SLC5A5: variants seen among roughly 807,000 people sequenced by gnomAD.
SLC5A5 encodes the protein solute carrier family 5 member 5.
Under a neutral mutation model 68.6 loss-of-function variants are expected in SLC5A5, and 56 were observed. The ratio of observed to expected loss-of-function variants is 0.82; its 90% CI spans 0.66 to 1.02. The LOEUF (loss-of-function observed/expected upper bound fraction) is 1.02, where lower values mean the gene tolerates loss of function less well. SLC5A5 is among the 50% of genes least tolerant of loss of function. The pLI is 0.00. For synonymous variants in SLC5A5, 398 were observed against 373.0 expected (o/e 1.07, Z -0.77); for missense variants, 807 against 859.8 (o/e 0.94, Z 0.77).
intron 14 of SLC5A5, among the ~76,000 whole-genome samples, chr19:17,892,679 AG>A (rs2030225342): frequency 6.6e-6 from 1 of 151,366 alleles, no homozygotes; most frequent in African/African-American, 2.4e-5. Context: ...AGAGAGAGAG[AG>A]AGAGAGAGAG....
In SLC5A5 at chr19:17,891,127, ACT is replaced by A. The variant is rs10551662; in HGVS notation, c.1767+129_1767+130del. The A allele has an allele frequency of 4.5e-3, 3,252 of 728,710 alleles. 59 individuals carry two copies. The African/African-American group carries it at 0.045, about 10-fold the overall frequency. 45.1% of individuals were successfully genotyped at this position (728,710 alleles called of 1,614,324 possible). A position where few individuals can be genotyped will look rare whatever the true frequency, so the allele number is the denominator to read the frequency against. ...ATCGCTCATTATCTCCAGTCAAAAGACTCTATTGGGAGCTGATTCATCCTCAA... is the reference window on the plus strand; with the variant it reads ...ATCGCTCATTATCTCCAGTCAAAAGACTATTGGGAGCTGATTCATCCTCAA... On this transcript the variant is annotated intron_variant, in intron 14 of 14. Coordinates refer to ENST00000222248, the MANE Select transcript of SLC5A5 (RefSeq NM_000453.3).
intron 13 of SLC5A5, among the ~76,000 whole-genome samples, chr19:17,889,970 GTCC>G (rs2030101410): frequency 6.6e-6 from 1 of 152,208 alleles, no homozygotes; most frequent in African/African-American, 2.4e-5. Context: ...CCTTTATCGA[GTCC>G]TCCTCTGTGC....
intron 10 of SLC5A5, 22 bp from the exon 11 acceptor site, chr19:17,883,659 C>T: frequency 6.2e-7 from 1 of 1,603,846 alleles, no homozygotes; most frequent in South Asian, 1.1e-5. Flanking sequence ...GCCCTCAGCC[C>T]CACTTCCACC....
In SLC5A5 at chr19:17,874,505, C is replaced by T. The variant is rs780690857; in HGVS notation, c.435C>T (p.Thr145=). 136 of 1,613,890 alleles carry T rather than the reference C, an allele frequency of 8.4e-5. No homozygotes were observed. Among genetic ancestry groups the T allele is most frequent in the Non-Finnish European group, 1.0e-4 (121 of 1,179,998 alleles). Residue 145 remains threonine, a synonymous_variant, in exon 3 of 15, where the codon ACC becomes ACT. Transcript: ENST00000222248. The part of the protein sequence containing the change: ...LQYIVATMLY[T]GIVIYAPALI... ...CACTCTGTCTACAGATGCTGTACAC[C>T]GGCATCGTAATCTACGCACCGGCCC...
At chr19:17,879,289 G>A (rs1017840096) in intron 7 of SLC5A5, among the ~76,000 whole-genome samples, 4 of 152,090 alleles carry the variant, frequency 2.6e-5, no homozygotes, top group South Asian at 2.1e-4. Context: ...GAGAAACTCC[G>A]TCTCAAACAA....
In SLC5A5 at chr19:17,872,026, G is replaced by A. The variant is rs967350063; in HGVS notation, c.-294G>A. The A allele has an allele frequency of 4.4e-6, 2 of 456,614 alleles. No homozygotes were observed. The highest frequency in any genetic ancestry group is 7.9e-6 in the Non-Finnish European group (2 of 254,054). 28.3% of individuals were successfully genotyped at this position (456,614 alleles called of 1,614,324 possible). On this transcript the variant is annotated 5_prime_UTR_variant, in exon 1 of 15. The change abolishes an upstream ATG in the 5' untranslated region. Transcript: ENST00000222248. ...GAGAGGGACAGACAGCCGGCTGCAT[G>A]GGACAGCGGAACCCAGAGTGAGAGG...
rs561963618 is a variant in SLC5A5, at chr19:17,890,795, G to A, written c.1652-91G>A. On this transcript the variant is annotated intron_variant, in intron 13 of 14. Transcript: ENST00000222248. ...AGCCTGTTAGACTTCATAGACCAGG[G>A]ATCTCCTTTCTCCTTCCCAGGACCT... is the stretch of plus-strand genomic sequence containing the variant. The A allele has an allele frequency of 5.7e-6, 5 of 881,388 alleles. No homozygotes were observed. In the African/African-American group the frequency reaches 6.5e-5, roughly 12 times the overall value. 54.6% of individuals were successfully genotyped at this position (881,388 alleles called of 1,614,324 possible).
chr19:17,883,767 G>A lies in SLC5A5; in HGVS notation c.1329G>A (p.Pro443=), dbSNP rs756320685. 4.3e-6 allele frequency: 7 copies of A among 1,612,440 alleles called. No homozygotes were observed. In the South Asian group the frequency reaches 5.5e-5, roughly 13 times the overall value. Residue 443 remains proline (P), a splice_region_variant and synonymous_variant, in exon 11 of 15, where the codon CCG becomes CCA. Coordinates refer to ENST00000222248, the MANE Select transcript of SLC5A5 (RefSeq NM_000453.3). ...LGMFLPACNT[P]GVLAGLGAGL... ...TGTTCCTGCCGGCCTGCAACACACC[G>A]GTGAGTGGGGGCGGGGCAAGGGGCG... is the stretch of plus-strand genomic sequence containing the variant.
Position 17,872,259 on chromosome 19 carries a change from G to C in SLC5A5, c.-61G>C. The C allele has an allele frequency of 1.5e-6, 1 of 653,070 alleles. No individual in the cohort carries two copies. The allele number at this position is 653,070 out of a possible 1,614,324, so 40.5% of individuals were successfully genotyped here. On this transcript the variant is annotated 5_prime_UTR_variant, in exon 1 of 15. Coordinates refer to ENST00000222248, the MANE Select transcript of SLC5A5 (RefSeq NM_000453.3). ...CGTCCTGCCTCCTCGGCCCCTGCCA[G>C]CTTCCCCCGCTTGAGCACGCAGGGC...
At chr19:17,892,244 G>C (rs1023027783) in intron 14 of SLC5A5, among the ~76,000 whole-genome samples, 1 of 151,924 alleles carries the variant, frequency 6.6e-6, no homozygotes, top group Non-Finnish European at 1.5e-5. Context: ...GTTGTAGTGA[G>C]CTGAGATCGC....
At chr19:17,893,529 C>G (rs978393386) in intron 14 of SLC5A5, among the ~76,000 whole-genome samples, 184 bp from the exon 15 acceptor site, 1 of 152,064 alleles carries the variant, frequency 6.6e-6, no homozygotes, top group African/African-American at 2.4e-5. Flanking sequence ...GGAAGAGAAG[C>G]GCATGGAAAT....
At position 17,875,973 on chromosome 19, in the gene SLC5A5, T is replaced by TA; in HGVS notation, c.565_566insA (p.Trp189Ter). The TA allele has an allele frequency of 6.2e-7, 1 of 1,614,178 alleles. No homozygotes were observed. Among genetic ancestry groups the TA allele is most frequent in the Non-Finnish European group, 8.5e-7 (1 of 1,180,028 alleles). The change falls in exon 5 of 15, where the codon TGG becomes TAGG. Residue 189 changes from tryptophan (W) to a stop codon, truncating the protein, a stop_gained and frameshift_variant. Coordinates refer to ENST00000222248, the MANE Select transcript of SLC5A5 (RefSeq NM_000453.3). ...GCAGGGCGGCATGAAGGCTGTGGTC[T>TA]GGACTGATGTGTTCCAGGTCGTGGT... ...TAVGGMKAVV[W>*]TDVFQVVVML...
chr19:17,890,976 C>A lies in SLC5A5; in HGVS notation c.1742C>A (p.Ala581Asp). 1.9e-6 allele frequency: 3 copies of A among 1,612,152 alleles called. No individual in the cohort carries two copies. The South Asian group carries it at 3.3e-5, about 18-fold the overall frequency. The change falls in exon 14 of 15, where the codon GCC becomes GAC. Residue 581 changes from alanine (A) to aspartate (D), a missense_variant. Physicochemically the swap from Ala to Asp is moderately radical, Grantham distance 126. Transcript: ENST00000222248. ...TASVAPKEEV[A>D]ILDDNLVKGP... is the part of the protein sequence containing the mutation. ...TCAGTGGCCCCCAAGGAAGAAGTGG[C>A]CATCCTGGATGACAACTTGGTCAAG...
rs1392185475 is a variant in SLC5A5 at position 17,878,087 on chromosome 19, A to G, written c.963A>G (p.Pro321=). Residue 321 remains proline (P), a synonymous_variant, in exon 7 of 15, where the codon CCA becomes CCG. Transcript: ENST00000222248. ...DPLLLGRISA[P]DQYMPLLVLD... is the part of the protein sequence containing the mutation. ...TCCTCCTGGGGCGCATCTCTGCCCC[A>G]GACCAGGTGAGTCCCACCCAGGCTC... 6.2e-7 allele frequency: 1 copy of G among 1,611,052 alleles called. No homozygotes were observed. Among genetic ancestry groups the G allele is most frequent in the Non-Finnish European group, 8.5e-7 (1 of 1,180,030 alleles).
At chr19:17,879,153 T>C (rs2147737335) in intron 7 of SLC5A5, among the ~76,000 whole-genome samples, 1 of 136,956 alleles carries the variant, frequency 7.3e-6, no homozygotes, top group East Asian at 2.3e-4. Flanking sequence ...ATTAGCCGGG[T>C]GTGGTGGTGC....
chr19:17,894,121 A>G lies in SLC5A5; in HGVS notation c.*244A>G, dbSNP rs919420559. On this transcript the variant is annotated 3_prime_UTR_variant, in exon 15 of 15. Transcript: ENST00000222248. ...GCAGCCCTGACGGCTCCCCCCAAAT[A>G]AGGCTGGGTTTTTCTCTCTCTCTTT... 2.0e-6 allele frequency: 1 copy of G among 496,168 alleles called. No individual in the cohort carries two copies. The highest frequency in any genetic ancestry group is 3.6e-6 in the Non-Finnish European group (1 of 278,840). The allele number at this position is 496,168 out of a possible 1,614,324, so 30.7% of individuals were successfully genotyped here.
chr19:17,888,465 C>A lies in SLC5A5; in HGVS notation c.1651+10C>A. The A allele has an allele frequency of 6.2e-7, 1 of 1,613,522 alleles. No individual in the cohort carries two copies. The highest frequency in any genetic ancestry group is 2.2e-5 in the East Asian group (1 of 44,872). On this transcript the variant is annotated intron_variant, in intron 13 of 14. Coordinates refer to ENST00000222248, the MANE Select transcript of SLC5A5 (RefSeq NM_000453.3). ...ATCAGCTGCCTGACAGGTAGGTAAA[C>A]AGAGCATGTGGCCTCAGAGGTCATC...
chr19:17,882,503 T>C (rs1722022859), intron 10 of SLC5A5, among the ~76,000 whole-genome samples: 1 of 149,632 alleles, frequency 6.7e-6, no homozygotes, highest in Non-Finnish European at 1.5e-5. Flanking sequence ...GCCTGGCTAA[T>C]TTTTTTCTTT....
At chr19:17,883,112 G>T (rs773844876) in intron 10 of SLC5A5, among the ~76,000 whole-genome samples, 4 of 152,056 alleles carry the variant, frequency 2.6e-5, no homozygotes, top group Non-Finnish European at 1.5e-5. Context: ...GAGCCACCAC[G>T]CCTGGCCTGG....
Sources: allele counts gnomAD v4.1 joint callset (sites outside exome capture counted in the v4.1 genomes callset), GRCh38; gene constraint gnomAD v4.1.1; transcripts MANE v1.5; gene names NCBI Gene and HGNC (gene_info 2026-07-23, HGNC 2026-07-21).